Variants in STXBP5L observed in about 807,000 individuals in gnomAD.
The protein encoded by STXBP5L is syntaxin binding protein 5L.
In STXBP5L, 65 loss-of-function variants were observed where a neutral mutation model predicts 144.5. That is an observed-to-expected ratio of 0.45 (90% CI 0.37 to 0.55). The LOEUF is 0.55. Ranked by LOEUF, STXBP5L falls within the 20% of genes least tolerant of loss-of-function variation. The pLI is 0.00. For synonymous variants in STXBP5L, 505 were observed against 469.6 expected (o/e 1.08, Z -0.97); for missense variants, 1,298 against 1,405.5 (o/e 0.92, Z 1.22).
At chr3:121,360,859 T>C (rs1383617675) in intron 20 of STXBP5L, among the ~76,000 whole-genome samples, 4 of 152,164 alleles carry the variant, frequency 2.6e-5, no homozygotes, top group Non-Finnish European at 4.4e-5. Context: ...TTTTATGCTT[T>C]TCTGTGTATT....
intron 3 of STXBP5L, among the ~76,000 whole-genome samples, chr3:121,018,971 G>T (rs950499048): frequency 6.6e-6 from 1 of 152,150 alleles, no homozygotes; most frequent in Non-Finnish European, 1.5e-5. Context: ...TTGTAGCCTG[G>T]GGCAGATTCT....
At chr3:121,088,013 C>T (rs1191432249) in intron 5 of STXBP5L, among the ~76,000 whole-genome samples, 2 of 152,064 alleles carry the variant, frequency 1.3e-5, no homozygotes, top group East Asian at 3.9e-4. Context: ...TTATGAACCA[C>T]ATCAGACTAT....
Position 120,966,267 on chromosome 3 carries a change from G to A in STXBP5L, c.287+11230G>A, listed in dbSNP as rs140045515. Among the ~76,000 whole-genome samples the A allele has an allele frequency of 4.2e-3, 647 of 152,236 alleles. 5 individuals are homozygous for A. The highest frequency in any genetic ancestry group is 0.015 in the African/African-American group (616 of 41,532). On this transcript the variant is annotated intron_variant, in intron 3 of 26. Coordinates refer to ENST00000471454, the MANE Select transcript of STXBP5L (RefSeq NM_001308330.2). Reference sequence around the variant, plus strand: ...AGAAGTTTGTTATTACTGACCTTCCGAAGCCTACTTCTGTCAACTTGTCAA... The same window carrying A: ...AGAAGTTTGTTATTACTGACCTTCCAAAGCCTACTTCTGTCAACTTGTCAA...
intron 7 of STXBP5L, among the ~76,000 whole-genome samples, chr3:121,133,427 CCA>C (rs1162796133): frequency 2.0e-5 from 3 of 151,994 alleles, no homozygotes; most frequent in African/African-American, 7.2e-5. Flanking sequence ...ATAAGATAAT[CCA>C]CAGTTTTTAG....
chr3:121,378,720 T>C lies in STXBP5L; in HGVS notation c.2181T>C (p.His727=). ...GCCTTCCTCCTCTTGGCACAGACCA[T>C]GTAAATGGACACTGCACAAGTCCAA... is the stretch of plus-strand genomic sequence containing the variant. ...LERCKSPTSD[H]VNGHCTSPTS... The change falls in exon 21 of 27, where the codon CAT becomes CAC. Residue 727 remains histidine (H), a synonymous_variant. Transcript: ENST00000471454. 2.5e-6 allele frequency: 4 copies of C among 1,613,288 alleles called. No individual in the cohort carries two copies. The highest frequency in any genetic ancestry group is 1.1e-5 in the South Asian group (1 of 91,050).
chr3:121,186,064 G>A (rs2047368883), intron 9 of STXBP5L, among the ~76,000 whole-genome samples: 1 of 152,102 alleles, frequency 6.6e-6, no homozygotes. Context: ...AAGCAATTGT[G>A]AATGGGAGTT....
In STXBP5L at chr3:121,015,873, G is replaced by A. The variant is rs934878910; in HGVS notation, c.288-25827G>A. The stretch of plus-strand genomic sequence containing the variant: ...TGGAGAAACACTTGTGAATGTCACA[G>A]CCCAGACACACAGACCCATTATATC... On this transcript the variant is annotated intron_variant, in intron 3 of 26. Transcript: ENST00000471454. Among the ~76,000 whole-genome samples, 10 of 152,120 alleles carry A rather than the reference G, an allele frequency of 6.6e-5. 1 individual carries two copies. Among genetic ancestry groups the A allele is most frequent in the African/African-American group, 2.4e-4 (10 of 41,422 alleles).
intron 10 of STXBP5L, among the ~76,000 whole-genome samples, chr3:121,215,094 G>A (rs897771569): frequency 8.6e-5 from 13 of 151,738 alleles, no homozygotes; most frequent in Middle Eastern, 3.4e-3. Flanking sequence ...GCCTATGTGT[G>A]TCTTTGCACA....
At chr3:121,045,974 C>A (rs899511745) in intron 5 of STXBP5L, among the ~76,000 whole-genome samples, 1 of 152,066 alleles carries the variant, frequency 6.6e-6, no homozygotes, top group Admixed American at 6.6e-5. Flanking sequence ...CAGGTTTTGC[C>A]CATTCAGTAT....
chr3:120,974,195 T>C (rs112812020), intron 3 of STXBP5L, among the ~76,000 whole-genome samples: 86 of 152,102 alleles, frequency 5.7e-4, no homozygotes, highest in South Asian at 3.1e-3. Flanking sequence ...ACATCCTCTC[T>C]AGCACCTGTT....
intron 5 of STXBP5L, among the ~76,000 whole-genome samples, chr3:121,055,634 C>T (rs1948401612): frequency 6.6e-6 from 1 of 151,760 alleles, no homozygotes. Flanking sequence ...CCTCAGCCTC[C>T]TTAGTGCTGG....
At chr3:121,209,388 A>C (rs2048465910) in intron 10 of STXBP5L, among the ~76,000 whole-genome samples, 1 of 152,060 alleles carries the variant, frequency 6.6e-6, no homozygotes, top group Non-Finnish European at 1.5e-5. Context: ...ACTCCCAACA[A>C]CACTGTAAAA....
intron 9 of STXBP5L, among the ~76,000 whole-genome samples, chr3:121,204,073 A>C (rs995316075): frequency 2.0e-5 from 3 of 152,094 alleles, no homozygotes; most frequent in African/African-American, 7.2e-5. Context: ...TTCTGTCTCT[A>C]CTAAAAATAC....
intron 9 of STXBP5L, among the ~76,000 whole-genome samples, chr3:121,191,444 C>A (rs1455228759): frequency 1.3e-5 from 2 of 152,170 alleles, no homozygotes; most frequent in African/African-American, 2.4e-5. Flanking sequence ...CAGGCTGAGG[C>A]AGGAGAATCA....
At chr3:121,038,685 G>C (rs1946931191) in intron 3 of STXBP5L, among the ~76,000 whole-genome samples, 1 of 151,692 alleles carries the variant, frequency 6.6e-6, no homozygotes, top group Non-Finnish European at 1.5e-5. Flanking sequence ...ATCGAGAAAG[G>C]GGTGCTAAAA....
At chr3:120,927,347 A>G (rs772839747) in intron 2 of STXBP5L, among the ~76,000 whole-genome samples, 3 of 152,186 alleles carry the variant, frequency 2.0e-5, no homozygotes, top group Non-Finnish European at 4.4e-5. Flanking sequence ...ATACTGCTGA[A>G]CAGCCTCTAA....
chr3:121,313,471 G>A lies in STXBP5L; in HGVS notation c.2111-5004G>A, dbSNP rs1271433126. Among the ~76,000 whole-genome samples, 5 of 89,810 alleles carry A rather than the reference G, an allele frequency of 5.6e-5. 1 individual carries two copies. The highest frequency in any genetic ancestry group is 2.0e-4 in the African/African-American group (4 of 20,182). The allele number at this position is 89,810 out of a possible 152,430, so 58.9% of individuals were successfully genotyped here. A position where few individuals can be genotyped will look rare whatever the true frequency, so the allele number is the denominator to read the frequency against. ...CCCCCACCTCCCTCCTGGACGGGGC[G>A]ACTGGCCGGGCAGAGGGGCTCCTCA... On this transcript the variant is annotated intron_variant, in intron 19 of 26. Transcript: ENST00000471454.
At chr3:121,073,328 C>G (rs1270733591) in intron 5 of STXBP5L, among the ~76,000 whole-genome samples, 1 of 152,190 alleles carries the variant, frequency 6.6e-6, no homozygotes, top group East Asian at 1.9e-4. Context: ...ATCTTAACAT[C>G]TTAGGGTTAG....
chr3:121,342,233 T>A (rs1009969870), intron 20 of STXBP5L, among the ~76,000 whole-genome samples: 1 of 152,168 alleles, frequency 6.6e-6, no homozygotes, highest in Non-Finnish European at 1.5e-5. Flanking sequence ...TTCTCATTCC[T>A]AATAAACAGG....
Sources: gnomAD v4.1 joint callset for allele counts (sites outside exome capture counted in the v4.1 genomes callset) on GRCh38, gnomAD v4.1.1 for gene constraint, MANE v1.5 for transcripts, NCBI Gene and HGNC (gene_info 2026-07-23, HGNC 2026-07-21) for gene names.